CASZ1: variants seen among roughly 807,000 people sequenced by gnomAD.
CASZ1 encodes the protein castor zinc finger 1.
CASZ1 carries 28 observed loss-of-function variants against 135.2 expected under a neutral mutation model. The observed-to-expected ratio is 0.21, with a 90% confidence interval of 0.15 to 0.28. The LOEUF (loss-of-function observed/expected upper bound fraction) is 0.28. CASZ1 is among the 10% of genes least tolerant of loss of function. CASZ1 has a pLI of 1.00. For missense variants in CASZ1, 2,161 were observed against 2,453.3 expected (o/e 0.88, Z 2.52); for synonymous variants, 1,068 against 1,073.4 (o/e 0.99, Z 0.10).
intron 13 of CASZ1, 55 bp from the exon 14 acceptor site, chr1:10,649,492 G>C: frequency 6.5e-7 from 1 of 1,536,518 alleles, no homozygotes; most frequent in East Asian, 2.3e-5. Flanking sequence ...CACAGACACG[G>C]CAGCCTGGGG....
In CASZ1 at chr1:10,701,702, G is replaced by A. The variant is rs17416005; in HGVS notation, c.-24+3790C>T. 0.19 allele frequency among the ~76,000 whole-genome samples: 29,255 copies of A among 152,214 alleles called. 3,728 individuals are homozygous for A. Among genetic ancestry groups the A allele is most frequent in the Middle Eastern group, 0.29 (84 of 294 alleles). On this transcript the variant is annotated intron_variant, in intron 3 of 20. Transcript: ENST00000377022. The surrounding 1 kb of genome is among the most constrained non-coding windows in gnomAD (Gnocchi z 6.3). ...TCTTGTCGTGAATGAAGACTCGGCCGATCAGGCTGCTGGTTTGAGGGCTGG... is the reference window on the plus strand; with the variant it reads ...TCTTGTCGTGAATGAAGACTCGGCCAATCAGGCTGCTGGTTTGAGGGCTGG...
At position 10,777,814 on chromosome 1, in the gene CASZ1, G is replaced by A. The variant is rs1046182931; in HGVS notation, c.-233-16957C>T. ...ACACACAATCTTATATACAGCCACT[G>A]ACACAATCCCACAACCACACACAAT... On this transcript the variant is annotated intron_variant, in intron 1 of 20. Transcript: ENST00000377022. This position sits in a 1 kb window ranked among gnomAD's most constrained non-coding sequence, Gnocchi z 4.4. Among the ~76,000 whole-genome samples the A allele has an allele frequency of 8.6e-5, 13 of 151,038 alleles. No homozygotes were observed. Among genetic ancestry groups the A allele is most frequent in the African/African-American group, 3.2e-4 (13 of 41,004 alleles).
chr1:10,653,469 A>G lies in CASZ1; in HGVS notation c.2588T>C (p.Met863Thr). ...GCCCTTGCTTGCAGAGATCCTCTCC[A>G]TGATGGAGGCGGGTGGTGCCGGGAC... ...ASVPAPPASI[M>T]ERISASKGLI... Residue 863 changes from methionine (M) to threonine (T), a missense_variant, in exon 11 of 21, where the codon ATG becomes ACG. This residue lies in a region of CASZ1 where 406 missense variants were observed against 387.6 expected (regional missense o/e 1.05). Coordinates refer to ENST00000377022, the MANE Select transcript of CASZ1 (RefSeq NM_001079843.3). 1.2e-6 allele frequency: 2 copies of G among 1,613,256 alleles called. No individual in the cohort carries two copies. Among genetic ancestry groups the G allele is most frequent in the Non-Finnish European group, 1.7e-6 (2 of 1,179,960 alleles).
chr1:10,687,710 C>T (rs1178570959), intron 4 of CASZ1, among the ~76,000 whole-genome samples: 2 of 152,176 alleles, frequency 1.3e-5, no homozygotes, highest in South Asian at 4.1e-4. Flanking sequence ...TGGAGAAGGG[C>T]CCAGATCACC....
intron 2 of CASZ1, among the ~76,000 whole-genome samples, chr1:10,742,003 G>A (rs183949992): frequency 3.4e-4 from 52 of 151,998 alleles, no homozygotes; most frequent in African/African-American, 1.2e-3. Context: ...GCCCCCAGCC[G>A]CAACCCCACC....
At chr1:10,732,712 C>T (rs1372018440) in intron 2 of CASZ1, among the ~76,000 whole-genome samples, 1 of 152,144 alleles carries the variant, frequency 6.6e-6, no homozygotes, top group Non-Finnish European at 1.5e-5. Context: ...CCCCTTCTGC[C>T]TTGGACTTGA....
Position 10,649,341 on chromosome 1 carries a change from C to T in CASZ1, c.2977G>A (p.Ala993Thr). 1 of 1,599,786 alleles carries T rather than the reference C, an allele frequency of 6.3e-7. No homozygotes were observed. The highest frequency in any genetic ancestry group is 8.5e-7 in the Non-Finnish European group (1 of 1,173,490). Residue 993 changes from alanine (A) to threonine (T), a missense_variant, in exon 14 of 21, where the codon GCC becomes ACC. By Grantham distance (58) the Ala-to-Thr change is moderately conservative. Transcript: ENST00000377022. Reference protein sequence around the residue: ...AAEPSPFLGKAVKALVQEKLA... With the variant: ...AAEPSPFLGKTVKALVQEKLA... ...TTCTCCTGAACCAGCGCCTTCACGGCCTTGCCTAGGAAGGGCGAGGGCTCC... is the reference window on the plus strand; with the variant it reads ...TTCTCCTGAACCAGCGCCTTCACGGTCTTGCCTAGGAAGGGCGAGGGCTCC...
chr1:10,761,612 T>C (rs1247578198), intron 1 of CASZ1, among the ~76,000 whole-genome samples: 2 of 152,202 alleles, frequency 1.3e-5, no homozygotes. Context: ...TTTAAACAAA[T>C]ATTGTGGTGT....
chr1:10,780,660 G>A (rs556750783), intron 1 of CASZ1, among the ~76,000 whole-genome samples: 17 of 152,302 alleles, frequency 1.1e-4, no homozygotes, highest in Admixed American at 1.0e-3. Context: ...AGTTAGGGGT[G>A]CATTTTTTTC....
chr1:10,658,206 C>A, intron 7 of CASZ1: 1 of 377,746 alleles, frequency 2.6e-6, no homozygotes, highest in South Asian at 3.5e-5. Flanking sequence ...GACAGCAGGA[C>A]CCAGGCAAGC....
intron 7 of CASZ1, 171 bp downstream of exon 7, chr1:10,658,337 C>T (rs1052142535): frequency 4.6e-5 from 28 of 612,112 alleles, no homozygotes; most frequent in African/African-American, 2.6e-4. Flanking sequence ...GGCTCCCAAA[C>T]GGGCGTGCAG....
rs538926995 is a variant in CASZ1, at chr1:10,794,072, C to T, written c.-234+2492G>A. ...CTCAGCCCCCGGGGAACAACTACCCCCCTCCCCATGCCCGGCGCAGCTGCT... is the reference window on the plus strand; with the variant it reads ...CTCAGCCCCCGGGGAACAACTACCCTCCTCCCCATGCCCGGCGCAGCTGCT... On this transcript the variant is annotated intron_variant, in intron 1 of 20. Coordinates refer to ENST00000377022, the MANE Select transcript of CASZ1 (RefSeq NM_001079843.3). The surrounding 1 kb of genome is among the most constrained non-coding windows in gnomAD (Gnocchi z 5.6). Among the ~76,000 whole-genome samples, 6 of 152,164 alleles carry T rather than the reference C, an allele frequency of 3.9e-5. No individual in the cohort carries two copies. In the East Asian group the frequency reaches 7.7e-4, roughly 20 times the overall value.
intron 7 of CASZ1, 111 bp downstream of exon 7, chr1:10,658,397 G>A (rs1397588475): frequency 2.4e-6 from 2 of 824,992 alleles, no homozygotes; most frequent in African/African-American, 3.4e-5. Context: ...GATGGGAGGA[G>A]GCAGCTACCT....
chr1:10,667,652 G>T (rs551816719), intron 4 of CASZ1, among the ~76,000 whole-genome samples: 3 of 152,188 alleles, frequency 2.0e-5, no homozygotes, highest in Non-Finnish European at 4.4e-5. Context: ...GGAAGGGAAG[G>T]GGGGAGTGGG....
intron 18 of CASZ1, 123 bp from the exon 19 acceptor site, chr1:10,643,434 GA>G: frequency 9.3e-7 from 1 of 1,074,812 alleles, no homozygotes. Context: ...GGTATCTGGG[GA>G]AAGGGCGCTG....
At chr1:10,742,428 A>G (rs1570547260) in intron 2 of CASZ1, among the ~76,000 whole-genome samples, 1 of 152,212 alleles carries the variant, frequency 6.6e-6, no homozygotes, top group Non-Finnish European at 1.5e-5. Flanking sequence ...TAGCTGGTCC[A>G]GGCTGTGTAA....
chr1:10,708,796 G>C (rs1639225454), intron 2 of CASZ1, among the ~76,000 whole-genome samples: 1 of 152,006 alleles, frequency 6.6e-6, no homozygotes, highest in Non-Finnish European at 1.5e-5. Flanking sequence ...GAGAGTGAAA[G>C]ACAGAGGGGA....
intron 1 of CASZ1, among the ~76,000 whole-genome samples, chr1:10,775,883 A>G (rs1383027342): frequency 6.6e-6 from 1 of 152,054 alleles, no homozygotes; most frequent in Non-Finnish European, 1.5e-5. Context: ...CACACTCTCA[A>G]CCAGCACCCC....
At chr1:10,780,487 G>A (rs1236299731) in intron 1 of CASZ1, among the ~76,000 whole-genome samples, 1 of 152,072 alleles carries the variant, frequency 6.6e-6, no homozygotes, top group African/African-American at 2.4e-5. Context: ...CCCCAGCTCA[G>A]GAGACCCTCC....
Sources: allele counts gnomAD v4.1 joint callset (sites outside exome capture counted in the v4.1 genomes callset), GRCh38; gene constraint gnomAD v4.1.1; regional missense constraint gnomAD v4.1.1; non-coding constraint Gnocchi (gnomAD v3.1); transcripts MANE v1.5; gene names NCBI Gene and HGNC (gene_info 2026-07-23, HGNC 2026-07-21).